Variants in FBN2 observed in about 807,000 individuals in gnomAD.
FBN2 encodes the protein fibrillin-2.
Under a neutral mutation model 355.6 loss-of-function variants are expected in FBN2, and 105 were observed. The ratio of observed to expected loss-of-function variants is 0.30; its 90% CI spans 0.25 to 0.35. The LOEUF is 0.35. FBN2 is among the 10% of genes least tolerant of loss of function. The pLI is 1.00. For synonymous variants in FBN2, 1,350 were observed against 1,301.2 expected (o/e 1.04, Z -0.81); for missense variants, 3,280 against 3,758.7 (o/e 0.87, Z 3.33).
At chr5:128,434,394 G>GTGTATATATATATATATATATATATA (rs377404948) in intron 7 of FBN2, among the ~76,000 whole-genome samples, 1 of 91,674 alleles carries the variant, frequency 1.1e-5, no homozygotes, top group Non-Finnish European at 2.1e-5. Flanking sequence ...AATAAAGTGT[G>GTGTATATATATATATATATATATATA]TATATATATA....
chr5:128,358,613 G>C (rs1751562516), intron 19 of FBN2, among the ~76,000 whole-genome samples: 1 of 152,018 alleles, frequency 6.6e-6, no homozygotes, highest in South Asian at 2.1e-4. Flanking sequence ...TTTATACTGA[G>C]AAAACCTCTT....
intron 8 of FBN2, among the ~76,000 whole-genome samples, chr5:128,395,598 G>A (rs922026300): frequency 6.6e-6 from 1 of 152,230 alleles, no homozygotes; most frequent in Admixed American, 6.5e-5. Context: ...GTGGTTGTCT[G>A]TAATGCAGCA....
chr5:128,530,122 C>T (rs1251215226), intron 3 of FBN2, among the ~76,000 whole-genome samples: 1 of 152,186 alleles, frequency 6.6e-6, no homozygotes, highest in African/African-American at 2.4e-5. Context: ...AAGGACCCAA[C>T]AATTTCTAAT....
chr5:128,493,969 G>T (rs1435188617), intron 5 of FBN2, among the ~76,000 whole-genome samples: 4 of 151,788 alleles, frequency 2.6e-5, no homozygotes, highest in Non-Finnish European at 4.4e-5. Flanking sequence ...ATGACAGCAG[G>T]TTCAATGTAA....
intron 7 of FBN2, 94 bp from the exon 8 acceptor site, chr5:128,408,893 T>C (rs970444482): frequency 1.3e-5 from 18 of 1,374,202 alleles, no homozygotes; most frequent in Admixed American, 5.1e-5. Flanking sequence ...AGAGCATTCA[T>C]GGTTGATTAG....
chr5:128,424,173 G>C (rs1231219242), intron 7 of FBN2, among the ~76,000 whole-genome samples: 1 of 152,094 alleles, frequency 6.6e-6, no homozygotes, highest in African/African-American at 2.4e-5. Flanking sequence ...AGGGAACTCA[G>C]AAGAGAGAGC....
intron 7 of FBN2, among the ~76,000 whole-genome samples, chr5:128,414,560 T>G (rs1753148286): frequency 6.6e-6 from 1 of 152,176 alleles, no homozygotes; most frequent in African/African-American, 2.4e-5. Context: ...ATTTTTTATT[T>G]TTTGGCTATT....
intron 7 of FBN2, among the ~76,000 whole-genome samples, chr5:128,422,072 C>A (rs1232368373): frequency 6.6e-6 from 1 of 152,076 alleles, no homozygotes; most frequent in Non-Finnish European, 1.5e-5. Flanking sequence ...GGTAGCCTCT[C>A]GAAACTTGAA....
At chr5:128,489,261 C>T (rs1432482286) in intron 5 of FBN2, among the ~76,000 whole-genome samples, 5 of 152,118 alleles carry the variant, frequency 3.3e-5, no homozygotes, top group Non-Finnish European at 5.9e-5. Context: ...TGCAGTCATG[C>T]TAGATCGAAG....
rs1313341301 is a variant in FBN2 at position 128,311,436 on chromosome 5, G to T, written c.4949-11C>A. ...GGCATTCGTCAATGTCTACAAAAAG[G>T]GAGACAGTGCACTTAAAACAAACAC... On this transcript the variant is annotated splice_polypyrimidine_tract_variant and intron_variant, in intron 38 of 64. Transcript: ENST00000262464. The T allele has an allele frequency of 6.2e-7, 1 of 1,613,886 alleles. No individual in the cohort carries two copies. The highest frequency in any genetic ancestry group is 2.2e-5 in the East Asian group (1 of 44,872).
chr5:128,310,402 ATTTTTT>A (rs199690802), intron 39 of FBN2, among the ~76,000 whole-genome samples: 143 of 23,164 alleles, frequency 6.2e-3, no homozygotes, highest in South Asian at 0.013. Context: ...ATATATATAT[ATTTTTT>A]TTTTTTTTTT....
chr5:128,537,586 C>T lies in FBN2; in HGVS notation c.18G>A (p.Arg6=), dbSNP rs758464000. Residue 6 remains arginine, a synonymous_variant, in exon 1 of 65, where the codon AGG becomes AGA. Coordinates refer to ENST00000262464, the MANE Select transcript of FBN2 (RefSeq NM_001999.4). MGRRR[R]LCLQLYFLWL... is the part of the protein sequence containing the mutation. ...ACAGGAAGTAGAGCTGGAGACACAG[C>T]CTCCGTCTTCTCCCCATCGCCGGCG... is the stretch of plus-strand genomic sequence containing the variant. 1.9e-6 allele frequency: 3 copies of T among 1,607,522 alleles called. No homozygotes were observed. The highest frequency in any genetic ancestry group is 3.3e-5 in the Admixed American group (2 of 59,746).
intron 34 of FBN2, among the ~76,000 whole-genome samples, chr5:128,320,131 A>T (rs1401508481): frequency 6.6e-6 from 1 of 152,180 alleles, no homozygotes; most frequent in South Asian, 2.1e-4. Context: ...CTTTATATAA[A>T]TGAGTAAAAA....
chr5:128,447,222 G>A (rs1451543911), intron 6 of FBN2, among the ~76,000 whole-genome samples: 1 of 152,168 alleles, frequency 6.6e-6, no homozygotes, highest in Non-Finnish European at 1.5e-5. Context: ...CGATGTTCAG[G>A]GAATAAGGGA....
chr5:128,474,625 G>A (rs1241449554), intron 5 of FBN2, among the ~76,000 whole-genome samples: 5 of 152,174 alleles, frequency 3.3e-5, no homozygotes, highest in African/African-American at 4.8e-5. Context: ...TGGATTCCAT[G>A]TAGTATTTTC....
chr5:128,286,060 T>C (rs1749138010), intron 55 of FBN2, among the ~76,000 whole-genome samples: 1 of 152,180 alleles, frequency 6.6e-6, no homozygotes, highest in African/African-American at 2.4e-5. Flanking sequence ...GAGGAACACA[T>C]ATGACTTAGG....
rs1752621036 is a variant in FBN2, at chr5:128,395,371, T to C, written c.1079-97A>G. ...AGATGAATGTAGGTGAAGTGACTCA[T>C]ACCACTTAATCTCTGTTATCTATTC... On this transcript the variant is annotated intron_variant, in intron 8 of 64. Coordinates refer to ENST00000262464, the MANE Select transcript of FBN2 (RefSeq NM_001999.4). The C allele has an allele frequency of 5.6e-6, 7 of 1,255,662 alleles. 1 individual carries two copies. In the South Asian group the frequency reaches 6.2e-5, roughly 11 times the overall value. The allele number at this position is 1,255,662 out of a possible 1,614,324, so 77.8% of individuals were successfully genotyped here.
intron 7 of FBN2, among the ~76,000 whole-genome samples, chr5:128,437,887 A>G (rs1375921251): frequency 2.0e-5 from 3 of 152,350 alleles, no homozygotes; most frequent in Non-Finnish European, 4.4e-5. Flanking sequence ...CATAAAAAAG[A>G]AAAAGAAATT....
chr5:128,433,705 G>A (rs1412717177), intron 7 of FBN2, among the ~76,000 whole-genome samples: 8 of 152,098 alleles, frequency 5.3e-5, no homozygotes, highest in African/African-American at 1.7e-4. Context: ...GGTTAATAAT[G>A]CCCAAATTTT....
Sources: gnomAD v4.1 joint callset for allele counts (sites outside exome capture counted in the v4.1 genomes callset) on GRCh38, gnomAD v4.1.1 for gene constraint, MANE v1.5 for transcripts, NCBI Gene and HGNC (gene_info 2026-07-23, HGNC 2026-07-21) for gene names.